CSMD3: variants seen among roughly 807,000 people sequenced by gnomAD.
CSMD3 encodes CUB and Sushi multiple domains 3.
In CSMD3, 177 loss-of-function variants were observed where a neutral mutation model predicts 435.2. The observed-to-expected ratio is 0.41, with a 90% confidence interval of 0.36 to 0.46. The LOEUF (loss-of-function observed/expected upper bound fraction) is 0.46, where lower values mean the gene tolerates loss of function less well. Among genes scored for constraint, CSMD3 ranks in the 20% least tolerant of loss-of-function variants. The pLI, the probability that CSMD3 is intolerant of heterozygous loss-of-function variation, is 0.34. For synonymous variants in CSMD3, 1,656 were observed against 1,520.5 expected (o/e 1.09, Z -2.07); for missense variants, 4,265 against 4,504.6 (o/e 0.95, Z 1.52).
rs1328387419 is a variant in CSMD3, at chr8:113,327,493, G to GTT, written c.179-12701_179-12700insAA. On this transcript the variant is annotated intron_variant, in intron 1 of 70. Coordinates refer to ENST00000297405, the MANE Select transcript of CSMD3 (RefSeq NM_198123.2). ...TAATAATGGCATGGAATATAGCACT[G>GTT]TAACTCAACTGCTCCCACTCCCCTC... 6.6e-5 allele frequency among the ~76,000 whole-genome samples: 10 copies of GTT among 152,162 alleles called. 1 individual carries two copies. The South Asian group carries it at 2.1e-3, about 32-fold the overall frequency.
intron 5 of CSMD3, among the ~76,000 whole-genome samples, chr8:113,070,281 T>C (rs995829626): frequency 1.3e-5 from 2 of 152,024 alleles, no homozygotes; most frequent in Non-Finnish European, 2.9e-5. Flanking sequence ...TGTTGCTGCA[T>C]GGGAGTGTTT....
At chr8:113,430,080 C>A (rs181977185) in intron 1 of CSMD3, among the ~76,000 whole-genome samples, 2 of 152,194 alleles carry the variant, frequency 1.3e-5, no homozygotes, top group Admixed American at 1.3e-4. Context: ...TAGCCAGCAC[C>A]AGAAGTGAAT....
chr8:112,351,885 G>A (rs1331639258), intron 39 of CSMD3, among the ~76,000 whole-genome samples: 2 of 150,740 alleles, frequency 1.3e-5, no homozygotes, highest in Non-Finnish European at 3.0e-5. Flanking sequence ...ATAAACCTGG[G>A]ACCCTCGACA....
chr8:112,611,140 A>C (rs1833225030), intron 22 of CSMD3, among the ~76,000 whole-genome samples: 1 of 152,190 alleles, frequency 6.6e-6, no homozygotes, highest in African/African-American at 2.4e-5. Flanking sequence ...ATTTTAGCTC[A>C]AGTGTTTGAA....
intron 3 of CSMD3, among the ~76,000 whole-genome samples, chr8:113,204,248 A>T (rs1260975604): frequency 6.6e-6 from 1 of 152,160 alleles, no homozygotes; most frequent in African/African-American, 2.4e-5. Context: ...CTTCACTGAC[A>T]CATTTCACAG....
At chr8:113,104,598 T>A (rs955960891) in intron 4 of CSMD3, among the ~76,000 whole-genome samples, 1 of 152,032 alleles carries the variant, frequency 6.6e-6, no homozygotes, top group Non-Finnish European at 1.5e-5. Context: ...ACACTTCAGA[T>A]TGATAATTTT....
rs1428464892 is a variant in CSMD3, at chr8:112,976,076, A to G, written c.1103T>C (p.Ile368Thr). ...ATCTGCAGGTGTGCTAGCAACAGCA[A>G]TAGCACCAGTGGTAGTCCTGTTATG... The part of the protein sequence containing the change: ...EEHNRTTTGA[I>T]AVASTPADVT... Residue 368 changes from isoleucine to threonine, a missense_variant, in exon 7 of 71, where the codon ATT becomes ACT. Physicochemically the swap from Ile to Thr is moderately conservative, Grantham distance 89 (BLOSUM62 -1). Coordinates refer to ENST00000297405, the MANE Select transcript of CSMD3 (RefSeq NM_198123.2). The G allele has an allele frequency of 6.2e-7, 1 of 1,614,070 alleles. No homozygotes were observed. The highest frequency in any genetic ancestry group is 1.1e-5 in the South Asian group (1 of 91,084).
intron 31 of CSMD3, among the ~76,000 whole-genome samples, chr8:112,485,189 T>C (rs535624243): frequency 2.0e-5 from 3 of 152,136 alleles, no homozygotes; most frequent in Non-Finnish European, 2.9e-5. Flanking sequence ...CCCTATCGTA[T>C]GAAAACAAAA....
intron 10 of CSMD3, among the ~76,000 whole-genome samples, chr8:112,913,230 G>C (rs1329801156): frequency 6.6e-6 from 1 of 151,934 alleles, no homozygotes; most frequent in African/African-American, 2.4e-5. Flanking sequence ...CGGGGGAGGA[G>C]TGGTATGGTT....
At chr8:112,958,765 C>T (rs2084125824) in intron 7 of CSMD3, among the ~76,000 whole-genome samples, 1 of 152,062 alleles carries the variant, frequency 6.6e-6, no homozygotes, top group African/African-American at 2.4e-5. Context: ...TTTGATGAAA[C>T]AGGCATTTGT....
chr8:112,842,867 G>T (rs1011785351), intron 11 of CSMD3, among the ~76,000 whole-genome samples: 1 of 151,568 alleles, frequency 6.6e-6, no homozygotes, highest in Admixed American at 6.6e-5. Context: ...CAAAGTCAAT[G>T]ACTATTATTG....
intron 6 of CSMD3, among the ~76,000 whole-genome samples, chr8:112,979,893 C>A (rs557354812): frequency 4.6e-5 from 7 of 150,958 alleles, no homozygotes; most frequent in African/African-American, 1.7e-4. Flanking sequence ...TGCTATTTAA[C>A]AAAATATTCC....
Position 112,979,749 on chromosome 8 carries a change from C to A in CSMD3, c.1031-3601G>T, listed in dbSNP as rs539959304. Among the ~76,000 whole-genome samples the A allele has an allele frequency of 9.2e-5, 14 of 151,402 alleles. No individual in the cohort carries two copies. In the South Asian group the frequency reaches 1.3e-3, roughly 14 times the overall value. On this transcript the variant is annotated intron_variant, in intron 6 of 70. Coordinates refer to ENST00000297405, the MANE Select transcript of CSMD3 (RefSeq NM_198123.2). ...AGAAAACGTACATTCAGAAAACTTTCTTCATTTGATATCAAATGATATATA... is the reference window on the plus strand; with the variant it reads ...AGAAAACGTACATTCAGAAAACTTTATTCATTTGATATCAAATGATATATA...
intron 12 of CSMD3, among the ~76,000 whole-genome samples, chr8:112,818,612 T>C (rs1185040999): frequency 1.3e-5 from 2 of 152,186 alleles, no homozygotes; most frequent in Admixed American, 6.6e-5. Flanking sequence ...TTTTGAAAAT[T>C]TACCATGCCC....
chr8:112,465,610 G>T (rs571760301), intron 32 of CSMD3, among the ~76,000 whole-genome samples: 1 of 152,094 alleles, frequency 6.6e-6, no homozygotes, highest in South Asian at 2.1e-4. Flanking sequence ...TAAAAAATAG[G>T]GGTTTCCTTT....
In CSMD3 at chr8:112,237,237, C is replaced by A. The variant is rs749606037; in HGVS notation, c.10580G>T (p.Arg3527Ile). Residue 3527 changes from arginine (R) to isoleucine (I), a missense_variant, in exon 67 of 71, where the codon AGA becomes ATA. Arg to Ile is a moderately conservative substitution (Grantham distance 97, BLOSUM62 -3). Around this residue, in one of 3 missense-constraint regions of CSMD3, gnomAD observed 3,255 missense variants for 3,380.2 expected, o/e 0.96. Transcript: ENST00000297405. ...GCTATTGCTCAGTGTTGCGTTAACTCTCCCAGTGGAAGCATTGAAACTAGT... is the reference window on the plus strand; with the variant it reads ...GCTATTGCTCAGTGTTGCGTTAACTATCCCAGTGGAAGCATTGAAACTAGT... ...TVTSFNASTG[R>I]VNATLSNSNM... 3 of 1,613,630 alleles carry A rather than the reference C, an allele frequency of 1.9e-6. No homozygotes were observed. The highest frequency in any genetic ancestry group is 2.5e-6 in the Non-Finnish European group (3 of 1,179,640).
intron 22 of CSMD3, among the ~76,000 whole-genome samples, chr8:112,591,226 C>T (rs1425867628): frequency 1.3e-5 from 2 of 151,848 alleles, no homozygotes; most frequent in East Asian, 1.9e-4. Flanking sequence ...GATATCTATT[C>T]GAGTTACCAA....
intron 3 of CSMD3, among the ~76,000 whole-genome samples, chr8:113,185,752 T>A (rs947158092): frequency 2.6e-5 from 4 of 152,046 alleles, no homozygotes; most frequent in African/African-American, 9.7e-5. Context: ...TGCATGCGTG[T>A]GTGTGTGCAT....
At chr8:112,632,254 T>A (rs558772589) in intron 22 of CSMD3, among the ~76,000 whole-genome samples, 28 of 152,130 alleles carry the variant, frequency 1.8e-4, no homozygotes, top group African/African-American at 5.8e-4. Context: ...AACTAAGAAA[T>A]AAATAACTAT....
Sources: allele counts gnomAD v4.1 joint callset (sites outside exome capture counted in the v4.1 genomes callset), GRCh38; gene constraint gnomAD v4.1.1; regional missense constraint gnomAD v4.1.1; transcripts MANE v1.5; gene names NCBI Gene and HGNC (gene_info 2026-07-23, HGNC 2026-07-21).